Variants in AKAP6 observed in about 807,000 individuals in gnomAD.
AKAP6 encodes A-kinase anchor protein 6.
In AKAP6, 58 loss-of-function variants were observed where a neutral mutation model predicts 188.5. That is an observed-to-expected ratio of 0.31 (90% CI 0.25 to 0.38). The LOEUF is 0.38. Among genes scored for constraint, AKAP6 ranks in the 10% least tolerant of loss-of-function variants. The probability of loss-of-function intolerance (pLI) is 1.00; values close to 1 mark genes in which losing one functional copy is unlikely to be tolerated. For missense variants in AKAP6, 2,710 were observed against 2,740.0 expected, an observed-to-expected ratio of 0.99 and a Z score of 0.24; for synonymous variants, 989 against 998.6, an observed-to-expected ratio of 0.99 and a Z score of 0.18.
intron 7 of AKAP6, among the ~76,000 whole-genome samples, chr14:32,653,780 C>T (rs1338906922): frequency 6.6e-6 from 1 of 152,120 alleles, no homozygotes; most frequent in Non-Finnish European, 1.5e-5. Flanking sequence ...CATTTGCTTT[C>T]TCTGGTCTTT....
chr14:32,547,442 A>G (rs973614726), intron 4 of AKAP6, among the ~76,000 whole-genome samples: 17 of 152,220 alleles, frequency 1.1e-4, no homozygotes, highest in Non-Finnish European at 2.2e-4. Context: ...AACTTCTTGT[A>G]GAAATAGACC....
At chr14:32,653,421 G>T (rs1415619966) in intron 7 of AKAP6, among the ~76,000 whole-genome samples, 1 of 152,054 alleles carries the variant, frequency 6.6e-6, no homozygotes, top group Non-Finnish European at 1.5e-5. Context: ...GTTCTCATGA[G>T]ATCTGGTCAT....
At chr14:32,450,708 A>C (rs1890910875) in intron 2 of AKAP6, among the ~76,000 whole-genome samples, 1 of 152,174 alleles carries the variant, frequency 6.6e-6, no homozygotes, top group African/African-American at 2.4e-5. Flanking sequence ...GGATGTATTA[A>C]GAGATTTATA....
chr14:32,823,207 A>G lies in AKAP6; in HGVS notation c.5394A>G (p.Ile1798Met). The change falls in exon 13 of 14, where the codon ATA (isoleucine) becomes ATG (methionine). Residue 1798 changes from isoleucine (I) to methionine (M), a missense_variant. Coordinates refer to ENST00000280979, the MANE Select transcript of AKAP6 (RefSeq NM_004274.5). ...DCTLMSGLDY[I>M]KNELQTWIRP... ...CCTTGATGTCAGGGCTAGACTACAT[A>G]AAGAATGAATTACAGACCTGGATTA... 2 of 1,613,820 alleles carry G rather than the reference A, an allele frequency of 1.2e-6. No homozygotes were observed. Among genetic ancestry groups the G allele is most frequent in the Non-Finnish European group, 1.7e-6 (2 of 1,179,888 alleles).
At chr14:32,498,530 G>A (rs1290594445) in intron 2 of AKAP6, among the ~76,000 whole-genome samples, 1 of 152,050 alleles carries the variant, frequency 6.6e-6, no homozygotes, top group Admixed American at 6.6e-5. Context: ...TTAGATATTG[G>A]CCTTAAAACT....
intron 8 of AKAP6, among the ~76,000 whole-genome samples, chr14:32,683,600 G>A (rs1251577900): frequency 6.6e-6 from 1 of 152,192 alleles, no homozygotes; most frequent in Non-Finnish European, 1.5e-5. Context: ...GGGACATAGA[G>A]GCAGTGGGAC....
intron 12 of AKAP6, among the ~76,000 whole-genome samples, chr14:32,808,885 T>C (rs1277956726): frequency 3.3e-5 from 5 of 152,196 alleles, no homozygotes; most frequent in African/African-American, 4.8e-5. Flanking sequence ...TCTATTTCTT[T>C]TGGCACTGCA....
At chr14:32,812,272 A>ACTT (rs2034256070) in intron 12 of AKAP6, among the ~76,000 whole-genome samples, 1 of 152,238 alleles carries the variant, frequency 6.6e-6, no homozygotes, top group African/African-American at 2.4e-5. Context: ...TGGGATTTTT[A>ACTT]CAACTTCATT....
intron 7 of AKAP6, among the ~76,000 whole-genome samples, chr14:32,656,362 C>G (rs536224116): frequency 1.3e-5 from 2 of 152,138 alleles, no homozygotes; most frequent in Non-Finnish European, 2.9e-5. Context: ...AGATTAGGTA[C>G]AGAGTATTTT....
chr14:32,389,894 C>A (rs1206745403), intron 1 of AKAP6, among the ~76,000 whole-genome samples: 3 of 152,104 alleles, frequency 2.0e-5, no homozygotes, highest in African/African-American at 7.2e-5. Context: ...GTGTGGGTCT[C>A]TAGCAAGGCC....
intron 2 of AKAP6, among the ~76,000 whole-genome samples, chr14:32,443,140 A>G (rs1383437961): frequency 1.3e-5 from 2 of 152,058 alleles, no homozygotes; most frequent in Non-Finnish European, 2.9e-5. Flanking sequence ...TCACGCCTGT[A>G]ATCCCAGTAC....
Position 32,824,549 on chromosome 14 carries a change from C to T in AKAP6, c.6736C>T (p.Pro2246Ser), listed in dbSNP as rs1258074442. The T allele has an allele frequency of 3.1e-6, 5 of 1,613,782 alleles. No homozygotes were observed. The East Asian group carries it at 8.9e-5, about 29-fold the overall frequency. Residue 2246 changes from proline (P) to serine (S), a missense_variant, in exon 13 of 14, where the codon CCT (proline) becomes TCT (serine). Around this residue, in one of 2 missense-constraint regions of AKAP6, gnomAD observed 2,473 missense variants for 2,426.1 expected, o/e 1.02. Transcript: ENST00000280979. ...SGCAENLEFT[P>S]SKLDSEKESS... Reference sequence around the variant, plus strand: ...CTGTGCAGAAAACTTAGAGTTTACTCCTTCAAAGCTTGACAGTGAAAAGGA... The same window carrying T: ...CTGTGCAGAAAACTTAGAGTTTACTTCTTCAAAGCTTGACAGTGAAAAGGA...
chr14:32,811,239 A>AG (rs2034221599), intron 12 of AKAP6, among the ~76,000 whole-genome samples: 2 of 95,230 alleles, frequency 2.1e-5, no homozygotes, highest in Middle Eastern at 4.6e-3. Context: ...ACTCCGTCTC[A>AG]GGAAAAAAAA....
rs184341785 is a variant in AKAP6 at position 32,763,828 on chromosome 14, T to A, written c.3373-9850T>A. ...CTGACGTTGTCTTTTAAGTTTGTAATCAGTTAAAACACCCAGATGTCATTT... is the reference window on the plus strand; with the variant it reads ...CTGACGTTGTCTTTTAAGTTTGTAAACAGTTAAAACACCCAGATGTCATTT... On this transcript the variant is annotated intron_variant, in intron 11 of 13. Coordinates refer to ENST00000280979, the MANE Select transcript of AKAP6 (RefSeq NM_004274.5). Among the ~76,000 whole-genome samples, 72 of 152,320 alleles carry A rather than the reference T, an allele frequency of 4.7e-4. 1 individual carries two copies. Among genetic ancestry groups the A allele is most frequent in the Non-Finnish European group, 7.9e-4 (54 of 68,004 alleles).
intron 5 of AKAP6, among the ~76,000 whole-genome samples, chr14:32,596,712 G>T (rs1594771574): frequency 6.6e-6 from 1 of 152,178 alleles, no homozygotes; most frequent in African/African-American, 2.4e-5. Context: ...GGATATTGCA[G>T]AGGGACTGTA....
intron 4 of AKAP6, 107 bp from the exon 5 acceptor site, chr14:32,577,013 T>A (rs1884750110): frequency 7.5e-7 from 1 of 1,325,852 alleles, no homozygotes; most frequent in East Asian, 2.5e-5. Context: ...GTGGGATCGA[T>A]TTGATCATGG....
At chr14:32,430,013 TGGGA>T (rs1291219396) in intron 1 of AKAP6, among the ~76,000 whole-genome samples, 2 of 152,230 alleles carry the variant, frequency 1.3e-5, no homozygotes, top group East Asian at 3.8e-4. Context: ...TTTGTTCCTC[TGGGA>T]AGAATTAACA....
chr14:32,654,540 C>G (rs889675959), intron 7 of AKAP6, among the ~76,000 whole-genome samples: 2 of 151,802 alleles, frequency 1.3e-5, no homozygotes, highest in African/African-American at 4.8e-5. Flanking sequence ...TAAAAGATAC[C>G]TTGTACACAA....
At chr14:32,404,691 G>GATATATAGATATATATATATATATAT (rs1555325856) in intron 1 of AKAP6, among the ~76,000 whole-genome samples, 2 of 44,432 alleles carry the variant, frequency 4.5e-5, no homozygotes, top group African/African-American at 7.1e-5. Context: ...GGAGTCAGGA[G>GATATATAGATATATATATATATATAT]ATATATATAT....
Sources: gnomAD v4.1 joint callset for allele counts (sites outside exome capture counted in the v4.1 genomes callset) on GRCh38, gnomAD v4.1.1 for gene constraint, gnomAD v4.1.1 regional missense constraint, MANE v1.5 for transcripts, NCBI Gene and HGNC (gene_info 2026-07-23, HGNC 2026-07-21) for gene names.